The following PPARA variants were observed in gnomAD, a reference collection of about 807,000 sequenced individuals.
PPARA encodes peroxisome proliferator-activated receptor alpha.
A neutral mutation model predicts 42.2 loss-of-function variants in PPARA; 22 were observed. That is an observed-to-expected ratio of 0.52 (90% CI 0.37 to 0.74). The LOEUF is 0.74. Ranked by LOEUF, PPARA falls within the 30% of genes least tolerant of loss-of-function variation. PPARA has a pLI of 0.00. For missense variants in PPARA, 465 were observed against 608.2 expected (o/e 0.76, Z 2.48); for synonymous variants, 242 against 239.3 (o/e 1.01, Z -0.10).
intron 2 of PPARA, chr22:46,155,924 C>G (rs1343831561): frequency 6.6e-6 from 1 of 152,244 alleles, no homozygotes; most frequent in African/African-American, 2.4e-5. Context: ...GGCATATTTT[C>G]CAGACAGGAC....
rs8135690 is a variant in PPARA, at chr22:46,191,084, T to C, written c.-42-7258T>C. Among the ~76,000 whole-genome samples, 20,065 of 152,054 alleles carry C rather than the reference T, an allele frequency of 0.13. 1,429 individuals are homozygous for C. Among genetic ancestry groups the C allele is most frequent in the African/African-American group, 0.18 (7,597 of 41,474 alleles). Reference sequence around the variant, plus strand: ...GGTGTGTGCCTGTAGTCCCAGCTACTCAGGAGGCTGAGGCACGAGAATCGC... The same window carrying C: ...GGTGTGTGCCTGTAGTCCCAGCTACCCAGGAGGCTGAGGCACGAGAATCGC... On this transcript the variant is annotated intron_variant, in intron 3 of 8. Coordinates refer to ENST00000407236, the MANE Select transcript of PPARA (RefSeq NM_005036.6). The surrounding 1 kb of genome is among the most constrained non-coding windows in gnomAD (Gnocchi z 4.6).
rs527389942 is a variant in PPARA at position 46,228,477 on chromosome 22, A to G, written c.712-3315A>G. ...CTCAAACCTGGGAGGTGGAGGTTGCAGTGAGTCGAGATCACGCCACTGCAC... is the reference window on the plus strand; with the variant it reads ...CTCAAACCTGGGAGGTGGAGGTTGCGGTGAGTCGAGATCACGCCACTGCAC... On this transcript the variant is annotated intron_variant, in intron 7 of 8. Coordinates refer to ENST00000407236, the MANE Select transcript of PPARA (RefSeq NM_005036.6). Among the ~76,000 whole-genome samples the G allele has an allele frequency of 1.1e-4, 16 of 152,148 alleles. No homozygotes were observed. The East Asian group carries it at 3.1e-3, about 30-fold the overall frequency.
In PPARA at chr22:46,163,192, G is replaced by A. The variant is rs1396933776; in HGVS notation, c.-127+11222G>A. Reference sequence around the variant, plus strand: ...CCAGATGTCGTTGTCTTTAAACTTCGGAATTTCCTTTCACTAAAGAACCAA... The same window carrying A: ...CCAGATGTCGTTGTCTTTAAACTTCAGAATTTCCTTTCACTAAAGAACCAA... On this transcript the variant is annotated intron_variant, in intron 2 of 8. Coordinates refer to ENST00000407236, the MANE Select transcript of PPARA (RefSeq NM_005036.6). This position sits in a 1 kb window ranked among gnomAD's most constrained non-coding sequence, Gnocchi z 4.9. The A allele has an allele frequency of 1.3e-5, 2 of 152,202 alleles. No homozygotes were observed. The highest frequency in any genetic ancestry group is 2.9e-5 in the Non-Finnish European group (2 of 68,052). The allele number at this position is 152,202 out of a possible 1,614,324, so 9.4% of individuals were successfully genotyped here.
At chr22:46,208,354 C>A (rs1272773282) in intron 4 of PPARA, among the ~76,000 whole-genome samples, 2 of 152,012 alleles carry the variant, frequency 1.3e-5, no homozygotes, top group Non-Finnish European at 2.9e-5. Context: ...TCAAGACTAG[C>A]CTGGCCAACA....
At position 46,219,760 on chromosome 22, in the gene PPARA, G is replaced by T; in HGVS notation, c.509-52G>T. 1 of 1,577,780 alleles carries T rather than the reference G, an allele frequency of 6.3e-7. No homozygotes were observed. The highest frequency in any genetic ancestry group is 1.1e-5 in the South Asian group (1 of 89,954). On this transcript the variant is annotated intron_variant, in intron 6 of 8. Coordinates refer to ENST00000407236, the MANE Select transcript of PPARA (RefSeq NM_005036.6). The surrounding 1 kb of genome is among the most constrained non-coding windows in gnomAD (Gnocchi z 4.8). Reference sequence around the variant, plus strand: ...GGGAGCCCCTCGTCCAGCCCTGTCCGCGCAGTCATGACCTCACTGCTCATG... The same window carrying T: ...GGGAGCCCCTCGTCCAGCCCTGTCCTCGCAGTCATGACCTCACTGCTCATG...
At chr22:46,218,835 C>CA (rs749022835) in intron 6 of PPARA, among the ~76,000 whole-genome samples, 206 of 69,244 alleles carry the variant, frequency 3.0e-3, no homozygotes, top group East Asian at 0.01. Flanking sequence ...TTCCGTCTCA[C>CA]AAAAAAAAAA....
In PPARA at chr22:46,183,651, AG is replaced by A. The variant is rs1159862168; in HGVS notation, c.-43+6817del. 1.3e-5 allele frequency among the ~76,000 whole-genome samples: 2 copies of A among 152,174 alleles called. No individual in the cohort carries two copies. Among genetic ancestry groups the A allele is most frequent in the Non-Finnish European group, 2.9e-5 (2 of 68,028 alleles). Reference sequence around the variant, plus strand: ...CAGTTACCCGGGAGGCTGAGGTGGGAGGATCACTTGAGCCTGGGAGGTCGAT... The same window carrying A: ...CAGTTACCCGGGAGGCTGAGGTGGGAGATCACTTGAGCCTGGGAGGTCGAT... On this transcript the variant is annotated intron_variant, in intron 3 of 8. Transcript: ENST00000407236. This position sits in a 1 kb window ranked among gnomAD's most constrained non-coding sequence, Gnocchi z 5.5.
In PPARA at chr22:46,225,854, C is replaced by T. The variant is rs111066974; in HGVS notation, c.711+5840C>T. Among the ~76,000 whole-genome samples the T allele has an allele frequency of 6.6e-6, 1 of 151,606 alleles. No individual in the cohort carries two copies. Among genetic ancestry groups the T allele is most frequent in the South Asian group, 2.1e-4 (1 of 4,784 alleles). On this transcript the variant is annotated intron_variant, in intron 7 of 8. Coordinates refer to ENST00000407236, the MANE Select transcript of PPARA (RefSeq NM_005036.6). The surrounding 1 kb of genome is among the most constrained non-coding windows in gnomAD (Gnocchi z 4.1). ...ACCTCCACCCCCACACACGCACACACACACATGCACCCACACATGGATACA... is the reference window on the plus strand; with the variant it reads ...ACCTCCACCCCCACACACGCACACATACACATGCACCCACACATGGATACA...
At position 46,233,116 on chromosome 22, in the gene PPARA, T is replaced by C. The variant is rs1394592144; in HGVS notation, c.1159+877T>C. Among the ~76,000 whole-genome samples the C allele has an allele frequency of 6.6e-6, 1 of 151,966 alleles. No homozygotes were observed. Among genetic ancestry groups the C allele is most frequent in the Non-Finnish European group, 1.5e-5 (1 of 67,996 alleles). On this transcript the variant is annotated intron_variant, in intron 8 of 8. Transcript: ENST00000407236. The surrounding 1 kb of genome is among the most constrained non-coding windows in gnomAD (Gnocchi z 7.3). Reference sequence around the variant, plus strand: ...ATATTATATAATGATGTTGTATTCATATTATAGACAATATTGTATGAAGTG... The same window carrying C: ...ATATTATATAATGATGTTGTATTCACATTATAGACAATATTGTATGAAGTG...
chr22:46,235,523 A>G lies in PPARA; in HGVS notation c.*143A>G. On this transcript the variant is annotated 3_prime_UTR_variant, in exon 9 of 9. Transcript: ENST00000407236. This position sits in a 1 kb window ranked among gnomAD's most constrained non-coding sequence, Gnocchi z 7.0. Reference sequence around the variant, plus strand: ...ACAGTCTGAGCTGTAGGTAACCGGCATATTATTCCATATCTTTGTTTTAAC... The same window carrying G: ...ACAGTCTGAGCTGTAGGTAACCGGCGTATTATTCCATATCTTTGTTTTAAC... 2 of 1,048,476 alleles carry G rather than the reference A, an allele frequency of 1.9e-6. No individual in the cohort carries two copies. The highest frequency in any genetic ancestry group is 2.6e-5 in the East Asian group (1 of 38,486). 64.9% of individuals were successfully genotyped at this position (1,048,476 alleles called of 1,614,324 possible).
rs760627872 is a variant in PPARA at position 46,225,146 on chromosome 22, G to T, written c.711+5132G>T. The stretch of plus-strand genomic sequence containing the variant: ...TGAGGAAAGGTGGGCTTTAGCTGAG[G>T]GAAGGAGTGAGGGGTGGATGGAGAA... On this transcript the variant is annotated intron_variant, in intron 7 of 8. Transcript: ENST00000407236. This position sits in a 1 kb window ranked among gnomAD's most constrained non-coding sequence, Gnocchi z 4.1. Among the ~76,000 whole-genome samples the T allele has an allele frequency of 1.6e-4, 24 of 152,278 alleles. No homozygotes were observed. The highest frequency in any genetic ancestry group is 1.2e-3 in the Admixed American group (19 of 15,296).
rs939417688 is a variant in PPARA at position 46,191,549 on chromosome 22, T to C, written c.-42-6793T>C. ...TGTCCCTGTGATGATTAAAATTCAC[T>C]CTGCAAATTAGATCACCTTTCCCAC... On this transcript the variant is annotated intron_variant, in intron 3 of 8. Coordinates refer to ENST00000407236, the MANE Select transcript of PPARA (RefSeq NM_005036.6). This position sits in a 1 kb window ranked among gnomAD's most constrained non-coding sequence, Gnocchi z 4.6. 2.6e-5 allele frequency among the ~76,000 whole-genome samples: 4 copies of C among 151,388 alleles called. No homozygotes were observed. Among genetic ancestry groups the C allele is most frequent in the African/African-American group, 9.7e-5 (4 of 41,256 alleles).
rs774082148 is a variant in PPARA, at chr22:46,198,538, C to T, written c.155C>T (p.Thr52Met). The T allele has an allele frequency of 6.6e-5, 106 of 1,613,768 alleles. No individual in the cohort carries two copies. The highest frequency in any genetic ancestry group is 8.6e-5 in the Non-Finnish European group (101 of 1,179,944). ...GEDSSGSFGFTEYQYLGSCPG... is the reference protein window; with the variant it reads ...GEDSSGSFGFMEYQYLGSCPG... ...GATAGTTCTGGAAGCTTTGGCTTTA[C>T]GGAATACCAGTATTTAGGAAGCTGT... is the stretch of plus-strand genomic sequence containing the variant. The change falls in exon 4 of 9, where the codon ACG becomes ATG. Residue 52 changes from threonine to methionine, a missense_variant. Physicochemically the swap from Thr to Met is moderately conservative, Grantham distance 81. This residue lies in a region of PPARA where 152 missense variants were observed against 139.1 expected (regional missense o/e 1.09). Coordinates refer to ENST00000407236, the MANE Select transcript of PPARA (RefSeq NM_005036.6).
intron 2 of PPARA, among the ~76,000 whole-genome samples, chr22:46,152,339 A>G (rs1015990566): frequency 6.6e-6 from 1 of 151,782 alleles, no homozygotes; most frequent in Non-Finnish European, 1.5e-5. Context: ...GGGTTTCACC[A>G]TCTTGGCCAG....
chr22:46,151,657 C>G (rs1372113025), intron 1 of PPARA, among the ~76,000 whole-genome samples: 4 of 152,262 alleles, frequency 2.6e-5, no homozygotes, highest in Admixed American at 6.5e-5. Flanking sequence ...CAGCCTCAGC[C>G]GACCCCTGCC....
In PPARA at chr22:46,232,259, T is replaced by G. The variant is rs201584217; in HGVS notation, c.1159+20T>G. On this transcript the variant is annotated intron_variant, in intron 8 of 8. Transcript: ENST00000407236. The surrounding 1 kb of genome is among the most constrained non-coding windows in gnomAD (Gnocchi z 5.3). Reference sequence around the variant, plus strand: ...GTGGAGGTGAGTGGTTGATTTAATCTGCTGGTATCATGTCACTGACAGGCT... The same window carrying G: ...GTGGAGGTGAGTGGTTGATTTAATCGGCTGGTATCATGTCACTGACAGGCT... 14 of 1,611,380 alleles carry G rather than the reference T, an allele frequency of 8.7e-6. No homozygotes were observed. The East Asian group carries it at 3.1e-4, about 36-fold the overall frequency.
Position 46,227,304 on chromosome 22 carries a change from T to G in PPARA, c.712-4488T>G, listed in dbSNP as rs1042982541. On this transcript the variant is annotated intron_variant, in intron 7 of 8. Transcript: ENST00000407236. The surrounding 1 kb of genome is among the most constrained non-coding windows in gnomAD (Gnocchi z 4.3). ...TCTCACTCTCTTGCCCAGGCTGGAG[T>G]GCAGTGGCGCAATCTCAGCTCACTG... Among the ~76,000 whole-genome samples, 54 of 152,254 alleles carry G rather than the reference T, an allele frequency of 3.5e-4. No homozygotes were observed. Among genetic ancestry groups the G allele is most frequent in the Admixed American group, 3.9e-4 (6 of 15,284 alleles).
intron 5 of PPARA, 90 bp downstream of exon 5, chr22:46,215,423 T>C (rs916967661): frequency 6.0e-5 from 93 of 1,541,836 alleles, no homozygotes; most frequent in African/African-American, 3.8e-4. Context: ...TACTGAGAGA[T>C]TGCAGAAAGT....
rs6519979 is a variant in PPARA at position 46,227,640 on chromosome 22, T to C, written c.712-4152T>C. Among the ~76,000 whole-genome samples the C allele has an allele frequency of 0.087, 13,169 of 152,176 alleles. 1,929 individuals are homozygous for C. The highest frequency in any genetic ancestry group is 0.3 in the African/African-American group (12,471 of 41,494). Reference sequence around the variant, plus strand: ...CATTGAGCTTCGTAGGCCACATGAGTGTGTGCCGGGACCAGTGTGGCAGCA... The same window carrying C: ...CATTGAGCTTCGTAGGCCACATGAGCGTGTGCCGGGACCAGTGTGGCAGCA... On this transcript the variant is annotated intron_variant, in intron 7 of 8. Transcript: ENST00000407236. The surrounding 1 kb of genome is among the most constrained non-coding windows in gnomAD (Gnocchi z 4.3).
Sources: gnomAD v4.1 joint callset for allele counts (sites outside exome capture counted in the v4.1 genomes callset) on GRCh38, gnomAD v4.1.1 for gene constraint, gnomAD v4.1.1 regional missense constraint, Gnocchi (gnomAD v3.1) non-coding constraint, MANE v1.5 for transcripts, NCBI Gene and HGNC (gene_info 2026-07-23, HGNC 2026-07-21) for gene names.